Variants in BBX observed in about 807,000 individuals in gnomAD.
BBX encodes the protein HMG box transcription factor BBX.
BBX carries 30 observed loss-of-function variants against 100.2 expected under a neutral mutation model. The observed-to-expected ratio is 0.30, with a 90% CI of 0.22 to 0.41. The LOEUF is 0.41. Ranked by LOEUF, BBX falls within the 10% of genes least tolerant of loss-of-function variation. The pLI is 1.00. For synonymous variants in BBX, 376 were observed against 388.1 expected, an observed-to-expected ratio of 0.97 and a Z score of 0.37; for missense variants, 1,023 against 1,129.8, an observed-to-expected ratio of 0.91 and a Z score of 1.35.
At chr3:107,741,305 C>T (rs1195946731) in intron 7 of BBX, among the ~76,000 whole-genome samples, 1 of 152,006 alleles carries the variant, frequency 6.6e-6, no homozygotes, top group African/African-American at 2.4e-5. Context: ...TTCAATTTCA[C>T]TATGTGAATT....
chr3:107,525,411 AGGCACG>A (rs2047691003), intron 1 of BBX: 1 of 152,664 alleles, frequency 6.6e-6, no homozygotes, highest in African/African-American at 2.4e-5. Flanking sequence ...CAGTTCGAGC[AGGCACG>A]GGCACGGGGA....
intron 3 of BBX, among the ~76,000 whole-genome samples, chr3:107,703,477 G>A (rs1459638977): frequency 2.0e-5 from 3 of 152,146 alleles, no homozygotes; most frequent in African/African-American, 7.2e-5. Context: ...AGGTATTAGA[G>A]ATCTTAAAAC....
At chr3:107,541,486 G>A (rs539034349) in intron 2 of BBX, among the ~76,000 whole-genome samples, 1 of 152,232 alleles carries the variant, frequency 6.6e-6, no homozygotes, top group African/African-American at 2.4e-5. Context: ...ATTTATTTGT[G>A]CATTTAAATA....
At chr3:107,661,928 C>T (rs542589191) in intron 3 of BBX, 4 of 979,374 alleles carry the variant, frequency 4.1e-6, no homozygotes, top group South Asian at 4.7e-5. Context: ...ATACCAGAGG[C>T]GAATTGTTCC....
chr3:107,546,264 G>T (rs767950863), intron 2 of BBX, among the ~76,000 whole-genome samples: 1 of 152,168 alleles, frequency 6.6e-6, no homozygotes, highest in Non-Finnish European at 1.5e-5. Context: ...AAGATGTTAC[G>T]TCTTCTCTAG....
chr3:107,788,874 A>G (rs1319299081), intron 13 of BBX, among the ~76,000 whole-genome samples: 2 of 152,214 alleles, frequency 1.3e-5, no homozygotes, highest in Non-Finnish European at 2.9e-5. Flanking sequence ...GAAGGAATGA[A>G]GAACTAAGGC....
chr3:107,662,055 A>T, intron 3 of BBX: 1 of 275,774 alleles, frequency 3.6e-6, no homozygotes, highest in Non-Finnish European at 5.5e-6. Flanking sequence ...AAATTTGTAA[A>T]CTCTTGTCAG....
chr3:107,710,382 C>A, intron 3 of BBX, 70 bp from the exon 4 acceptor site: 1 of 1,270,898 alleles, frequency 7.9e-7, no homozygotes. Flanking sequence ...ATCAAATTTA[C>A]TTTGATTTAT....
intron 3 of BBX, among the ~76,000 whole-genome samples, chr3:107,648,478 G>C (rs1045781865): frequency 5.3e-5 from 8 of 152,098 alleles, no homozygotes; most frequent in African/African-American, 1.7e-4. Flanking sequence ...AACTTTGACA[G>C]ATATTATCTA....
chr3:107,613,972 A>G (rs1335745518), intron 2 of BBX, among the ~76,000 whole-genome samples: 2 of 30,970 alleles, frequency 6.5e-5, no homozygotes, highest in African/African-American at 2.2e-4. Flanking sequence ...TTTTTTTTTG[A>G]GATGGAGTCT....
chr3:107,717,915 A>C (rs943695969), intron 5 of BBX, among the ~76,000 whole-genome samples: 14 of 152,024 alleles, frequency 9.2e-5, no homozygotes, highest in African/African-American at 3.4e-4. Flanking sequence ...TCACCCAAAC[A>C]CTTGGTTAAG....
At chr3:107,754,360 T>G (rs2065310731) in intron 9 of BBX, among the ~76,000 whole-genome samples, 1 of 152,150 alleles carries the variant, frequency 6.6e-6, no homozygotes, top group African/African-American at 2.4e-5. Context: ...GAAGAAAATA[T>G]TCCAAACTTC....
intron 17 of BBX, 104 bp downstream of exon 17, chr3:107,801,385 T>C (rs1045885979): frequency 1.6e-5 from 20 of 1,247,410 alleles, no homozygotes; most frequent in Admixed American, 5.1e-5. Flanking sequence ...CAAACTTGGT[T>C]CAAGAGCACT....
intron 2 of BBX, among the ~76,000 whole-genome samples, chr3:107,552,161 T>G (rs2049739976): frequency 6.6e-6 from 1 of 151,220 alleles, no homozygotes. Context: ...GGACAACATG[T>G]CAAAACCTTG....
At chr3:107,605,335 C>T (rs1034201804) in intron 2 of BBX, among the ~76,000 whole-genome samples, 1 of 151,122 alleles carries the variant, frequency 6.6e-6, no homozygotes. Flanking sequence ...TCAAAGAAAA[C>T]TAAAAGGAAA....
chr3:107,574,231 T>C (rs1308637944), intron 2 of BBX, among the ~76,000 whole-genome samples: 1 of 152,212 alleles, frequency 6.6e-6, no homozygotes, highest in Non-Finnish European at 1.5e-5. Flanking sequence ...AACATCTCCA[T>C]TTTATAAACG....
intron 2 of BBX, among the ~76,000 whole-genome samples, chr3:107,633,068 G>A (rs927091118): frequency 6.6e-6 from 1 of 152,072 alleles, no homozygotes; most frequent in Non-Finnish European, 1.5e-5. Flanking sequence ...TATTTGTACA[G>A]TTAATGAGTA....
intron 13 of BBX, among the ~76,000 whole-genome samples, chr3:107,788,827 A>G (rs2068700661): frequency 1.3e-5 from 2 of 152,146 alleles, no homozygotes; most frequent in Admixed American, 1.3e-4. Flanking sequence ...GAAACTGGAG[A>G]CAGCCTAGGC....
chr3:107,540,022 T>G (rs1038411142), intron 2 of BBX, among the ~76,000 whole-genome samples: 3 of 152,194 alleles, frequency 2.0e-5, no homozygotes. Context: ...AGCATGGGGA[T>G]CTGGTAAGAA....
Sources: gnomAD v4.1 joint callset for allele counts (sites outside exome capture counted in the v4.1 genomes callset) on GRCh38, gnomAD v4.1.1 for gene constraint, MANE v1.5 for transcripts, NCBI Gene and HGNC (gene_info 2026-07-23, HGNC 2026-07-21) for gene names.